Variants in GPR158 observed in about 807,000 individuals in gnomAD.
GPR158 encodes metabotropic glycine receptor.
GPR158 carries 30 observed loss-of-function variants against 78.2 expected under a neutral mutation model. The observed-to-expected ratio is 0.38, with a 90% CI of 0.29 to 0.52. The LOEUF is 0.52. Among genes scored for constraint, GPR158 ranks in the 20% least tolerant of loss-of-function variants. GPR158 has a pLI of 0.83. For missense variants in GPR158, 1,463 were observed against 1,523.5 expected (o/e 0.96, Z 0.66); for synonymous variants, 581 against 591.1 (o/e 0.98, Z 0.25).
At chr10:25,512,995 T>G (rs1159922505) in intron 5 of GPR158, among the ~76,000 whole-genome samples, 1 of 152,160 alleles carries the variant, frequency 6.6e-6, no homozygotes. Context: ...TAGTTTTCTT[T>G]TTTTGTTATG....
intron 4 of GPR158, among the ~76,000 whole-genome samples, chr10:25,420,296 C>T (rs1834731787): frequency 6.7e-6 from 1 of 148,606 alleles, no homozygotes; most frequent in Non-Finnish European, 1.5e-5. Flanking sequence ...ACTACAGCTG[C>T]ATGCCACCAA....
At chr10:25,285,609 CTTTG>C (rs986157814) in intron 2 of GPR158, among the ~76,000 whole-genome samples, 28 of 152,250 alleles carry the variant, frequency 1.8e-4, no homozygotes, top group African/African-American at 6.3e-4. Context: ...TTTGCCCTTC[CTTTG>C]TTTGTTTTTT....
intron 2 of GPR158, among the ~76,000 whole-genome samples, chr10:25,319,935 A>G (rs761714228): frequency 4.6e-5 from 7 of 152,106 alleles, no homozygotes; most frequent in Non-Finnish European, 5.9e-5. Context: ...GATAGCAAAA[A>G]GGTGGGCCTA....
intron 2 of GPR158, among the ~76,000 whole-genome samples, chr10:25,228,830 A>G (rs1856701): frequency 0.14 from 21,300 of 151,922 alleles, 1,858 homozygotes; most frequent in East Asian, 0.29. Context: ...AGGAGATGGA[A>G]ACCATCCTGG....
chr10:25,321,436 A>T (rs979925690), intron 2 of GPR158, among the ~76,000 whole-genome samples: 2 of 152,202 alleles, frequency 1.3e-5, no homozygotes, highest in Non-Finnish European at 2.9e-5. Context: ...GTACATCTAT[A>T]TGAAAGGAAT....
chr10:25,359,767 G>T (rs891751342), intron 2 of GPR158, among the ~76,000 whole-genome samples: 4 of 152,102 alleles, frequency 2.6e-5, no homozygotes, highest in Admixed American at 2.6e-4. Context: ...AATCCTTTGG[G>T]TATATACCCA....
chr10:25,411,099 G>GT (rs1334864813), intron 3 of GPR158, among the ~76,000 whole-genome samples: 185 of 147,240 alleles, frequency 1.3e-3, no homozygotes, highest in African/African-American at 3.6e-3. Context: ...TTTCTGTTTT[G>GT]TTTTTTTTTT....
intron 2 of GPR158, among the ~76,000 whole-genome samples, chr10:25,324,062 T>C (rs1261816970): frequency 6.6e-6 from 1 of 152,252 alleles, no homozygotes; most frequent in Non-Finnish European, 1.5e-5. Context: ...GGATTTTCTA[T>C]TTAGACCACT....
intron 8 of GPR158, among the ~76,000 whole-genome samples, chr10:25,590,345 G>C (rs752644798): frequency 1.3e-5 from 2 of 152,138 alleles, no homozygotes; most frequent in African/African-American, 2.4e-5. Flanking sequence ...TCTGAGAGAG[G>C]AGAGAAAGAC....
chr10:25,599,134 G>A lies in GPR158; in HGVS notation c.3508G>A (p.Glu1170Lys). ...NFQQPLTSRA[E>K]VCPWEFETPA... ...CCAGCAACCTTTAACATCACGAGCA[G>A]AGGTTTGTCCTTGGGAGTTTGAGAC... The change falls in exon 11 of 11, where the codon GAG becomes AAG. Residue 1170 changes from glutamate to lysine, a missense_variant. Glu to Lys is a moderately conservative substitution (Grantham distance 56, BLOSUM62 1). Coordinates refer to ENST00000376351, the MANE Select transcript of GPR158 (RefSeq NM_020752.3). The A allele has an allele frequency of 6.2e-7, 1 of 1,611,362 alleles. No individual in the cohort carries two copies. The highest frequency in any genetic ancestry group is 1.6e-4 in the Middle Eastern group (1 of 6,062).
chr10:25,554,823 G>C (rs1431072088), intron 6 of GPR158, among the ~76,000 whole-genome samples: 1 of 152,146 alleles, frequency 6.6e-6, no homozygotes, highest in Non-Finnish European at 1.5e-5. Flanking sequence ...AGAATCACCA[G>C]TATATGGTGA....
chr10:25,577,715 A>T (rs1837121877), intron 7 of GPR158, among the ~76,000 whole-genome samples: 1 of 152,212 alleles, frequency 6.6e-6, no homozygotes, highest in Non-Finnish European at 1.5e-5. Flanking sequence ...ATAGGTTGGA[A>T]AAATCTCAGA....
At chr10:25,376,404 G>A (rs1416645237) in intron 2 of GPR158, among the ~76,000 whole-genome samples, 2 of 151,576 alleles carry the variant, frequency 1.3e-5, no homozygotes, top group South Asian at 2.1e-4. Flanking sequence ...TGTATATACA[G>A]TTTTACAAAT....
In GPR158 at chr10:25,503,801, A is replaced by G. The variant is rs558375934; in HGVS notation, c.1404+37082A>G. Among the ~76,000 whole-genome samples the G allele has an allele frequency of 2.7e-5, 4 of 150,128 alleles. No individual in the cohort carries two copies. In the East Asian group the frequency reaches 5.9e-4, roughly 22 times the overall value. On this transcript the variant is annotated intron_variant, in intron 5 of 10. Transcript: ENST00000376351. ...CTGTTGTGTTCTCTCTTTGCATGCT[A>G]TTTCTTTCTTTAGTCACATAATATT...
rs1485551094 is a variant in GPR158, at chr10:25,209,110, C to T, written c.903-11942C>T. On this transcript the variant is annotated intron_variant, in intron 1 of 10. Transcript: ENST00000376351. The stretch of plus-strand genomic sequence containing the variant: ...ACCTCTGATCCGCCCACCTCAGCCT[C>T]CCAAAGTGCTGGGATTACAGGTGTG... Among the ~76,000 whole-genome samples, 4 of 152,178 alleles carry T rather than the reference C, an allele frequency of 2.6e-5. No individual in the cohort carries two copies. The South Asian group carries it at 8.3e-4, about 32-fold the overall frequency.
At chr10:25,266,397 C>T (rs999554300) in intron 2 of GPR158, among the ~76,000 whole-genome samples, 1 of 152,068 alleles carries the variant, frequency 6.6e-6, no homozygotes, top group Non-Finnish European at 1.5e-5. Context: ...TGTCAAAGAT[C>T]AGAGAAGTCC....
rs1021234637 is a variant in GPR158 at position 25,597,987 on chromosome 10, C to T, written c.2361C>T (p.Leu787=). ...ADHGTAKGTA[L]IRKNPPESSG... is the part of the protein sequence containing the mutation. ...ATGGCACAGCCAAAGGCACTGCCCT[C>T]ATCAGGAAGAACCCCCCAGAGTCTT... is the stretch of plus-strand genomic sequence containing the variant. The change falls in exon 11 of 11, where the codon CTC becomes CTT. Residue 787 remains leucine, a synonymous_variant. Coordinates refer to ENST00000376351, the MANE Select transcript of GPR158 (RefSeq NM_020752.3). 1 of 1,614,072 alleles carries T rather than the reference C, an allele frequency of 6.2e-7. No individual in the cohort carries two copies. Among genetic ancestry groups the T allele is most frequent in the Admixed American group, 1.7e-5 (1 of 60,014 alleles).
At chr10:25,447,975 C>T (rs1485956088) in intron 4 of GPR158, among the ~76,000 whole-genome samples, 1 of 152,180 alleles carries the variant, frequency 6.6e-6, no homozygotes, top group East Asian at 1.9e-4. Flanking sequence ...CACCCCTAAC[C>T]AGAGATAACC....
intron 2 of GPR158, among the ~76,000 whole-genome samples, chr10:25,319,820 C>G (rs1854919021): frequency 1.1e-5 from 1 of 94,496 alleles, no homozygotes; most frequent in African/African-American, 5.0e-5. Flanking sequence ...GCTGAACACC[C>G]CACCCCCCCC....
Sources: allele counts gnomAD v4.1 joint callset (sites outside exome capture counted in the v4.1 genomes callset), GRCh38; gene constraint gnomAD v4.1.1; transcripts MANE v1.5; gene names NCBI Gene and HGNC (gene_info 2026-07-23, HGNC 2026-07-21).